ROS1: variants seen among roughly 807,000 people sequenced by gnomAD.
The protein encoded by ROS1 is ROS proto-oncogene 1, receptor tyrosine kinase.
A neutral mutation model predicts 273.5 loss-of-function variants in ROS1; 263 were observed. That is an observed-to-expected ratio of 0.96 (90% CI 0.87 to 1.06). The LOEUF (loss-of-function observed/expected upper bound fraction) is 1.06, where lower values mean the gene tolerates loss of function less well. Among genes scored for constraint, ROS1 ranks in the 50% least tolerant of loss-of-function variants. The pLI is 0.00. For missense variants in ROS1, 2,833 were observed against 2,751.1 expected (o/e 1.03, Z -0.67); for synonymous variants, 1,008 against 954.1 (o/e 1.06, Z -1.04).
chr6:117,423,906 A>G (rs1287113748), intron 1 of ROS1, among the ~76,000 whole-genome samples: 1 of 152,146 alleles, frequency 6.6e-6, no homozygotes. Flanking sequence ...CTATGTGGGA[A>G]CATGTAGTAC....
chr6:117,388,937 G>T (rs780377192), intron 13 of ROS1, among the ~76,000 whole-genome samples: 2 of 152,136 alleles, frequency 1.3e-5, no homozygotes, highest in African/African-American at 2.4e-5. Flanking sequence ...GAGCCCACCT[G>T]CTTACCCACC....
chr6:117,409,173 C>A (rs1022331644), intron 5 of ROS1, among the ~76,000 whole-genome samples: 1 of 151,718 alleles, frequency 6.6e-6, no homozygotes, highest in Admixed American at 6.6e-5. Context: ...ATGTAACAAA[C>A]CTGCACGTTG....
chr6:117,391,493 G>A (rs138029459), intron 12 of ROS1, among the ~76,000 whole-genome samples: 1 of 152,132 alleles, frequency 6.6e-6, no homozygotes, highest in Non-Finnish European at 1.5e-5. Flanking sequence ...AAGAAAAGCA[G>A]AGGTTTTACA....
Position 117,425,539 on chromosome 6 carries a change from T to C in ROS1, c.118A>G (p.Asn40Asp). ...TATTAGATTGTGAGACTTACCAGAT[T>C]AGTTACACACGACTTTAGGCAGCTA... is the stretch of plus-strand genomic sequence containing the variant. ...LNSCLKSCVT[N>D]LGQQLDLGTP... The change falls in exon 1 of 44, where the codon AAT becomes GAT. Residue 40 changes from asparagine (N) to aspartate (D), a missense_variant. Transcript: ENST00000368507. 1 of 1,593,334 alleles carries C rather than the reference T, an allele frequency of 6.3e-7. No homozygotes were observed. The highest frequency in any genetic ancestry group is 8.5e-7 in the Non-Finnish European group (1 of 1,173,482).
rs2128558841 is a variant in ROS1 at position 117,319,933 on chromosome 6, C to G, written c.5857G>C (p.Val1953Leu). The G allele has an allele frequency of 1.2e-6, 2 of 1,613,554 alleles. No individual in the cohort carries two copies. The highest frequency in any genetic ancestry group is 2.2e-5 in the East Asian group (1 of 44,864). ...ATGTCCACTGCTGTTCCTTCATACA[C>G]TTCTCCAAAGGCTCCACTTCCCAGC... Reference protein sequence around the residue: ...LLLGSGAFGEVYEGTAVDILG... With the variant: ...LLLGSGAFGELYEGTAVDILG... Residue 1953 changes from valine to leucine, a missense_variant, in exon 37 of 44, where the codon GTG becomes CTG. Val to Leu is a conservative substitution (Grantham distance 32). Coordinates refer to ENST00000368507, the MANE Select transcript of ROS1 (RefSeq NM_001378902.1).
chr6:117,406,691 T>C (rs1462122772), intron 5 of ROS1, among the ~76,000 whole-genome samples: 1 of 152,228 alleles, frequency 6.6e-6, no homozygotes, highest in Non-Finnish European at 1.5e-5. Context: ...AAAAGAATTC[T>C]CTAACAGTTC....
At chr6:117,335,171 A>C (rs926715574) in intron 32 of ROS1, among the ~76,000 whole-genome samples, 1 of 152,228 alleles carries the variant, frequency 6.6e-6, no homozygotes, top group Non-Finnish European at 1.5e-5. Context: ...CCCATCAAAA[A>C]GTGGGCAAAA....
intron 43 of ROS1, among the ~76,000 whole-genome samples, chr6:117,294,365 A>G (rs369912): frequency 0.53 from 80,317 of 151,934 alleles, 21,968 homozygotes; most frequent in East Asian, 0.6. Flanking sequence ...ATTCACAGAT[A>G]ATATTATCTT....
chr6:117,385,783 T>G lies in ROS1; in HGVS notation c.2189A>C (p.Asp730Ala), dbSNP rs575172787. ...GGGTAGGTGATAATTCTCTGAGATA[T>G]CCGTCCCATTCAGCAGCCACACAAA... Reference protein sequence around the residue: ...DVFVWLLNGTDISENYHLPSI... With the variant: ...DVFVWLLNGTAISENYHLPSI... The change falls in exon 16 of 44, where the codon GAT (aspartate) becomes GCT (alanine). Residue 730 changes from aspartate (D) to alanine (A), a missense_variant. Coordinates refer to ENST00000368507, the MANE Select transcript of ROS1 (RefSeq NM_001378902.1). 4 of 1,614,162 alleles carry G rather than the reference T, an allele frequency of 2.5e-6. No homozygotes were observed. In the South Asian group the frequency reaches 4.4e-5, roughly 18 times the overall value.
chr6:117,347,872 T>C (rs969086046), intron 27 of ROS1, among the ~76,000 whole-genome samples: 1 of 152,090 alleles, frequency 6.6e-6, no homozygotes, highest in Non-Finnish European at 1.5e-5. Context: ...ACTACATTAA[T>C]TGATTTTCAA....
chr6:117,339,874 C>A (rs1438200947), intron 31 of ROS1, among the ~76,000 whole-genome samples: 1 of 152,040 alleles, frequency 6.6e-6, no homozygotes, highest in African/African-American at 2.4e-5. Context: ...CGGACAGCAC[C>A]CTAATAGGAC....
intron 43 of ROS1, among the ~76,000 whole-genome samples, chr6:117,290,869 C>G (rs12110900): frequency 0.012 from 1,874 of 152,294 alleles, 44 homozygotes; most frequent in African/African-American, 0.043. Context: ...CTTTTCTTCT[C>G]TACGTACATA....
At chr6:117,408,597 C>CACTT (rs1196180671) in intron 5 of ROS1, among the ~76,000 whole-genome samples, 2 of 152,208 alleles carry the variant, frequency 1.3e-5, no homozygotes, top group Admixed American at 1.3e-4. Context: ...GAAATAGGAA[C>CACTT]ACTTTTACAC....
rs759746448 is a variant in ROS1, at chr6:117,394,373, CATT to C, written c.1007-30_1007-28del. ...TAGAAGAGCCATGCAAGTGCACACA[CATT>C]ATTATATAACAACCAGGACAAAAAA... On this transcript the variant is annotated intron_variant, in intron 10 of 43. Transcript: ENST00000368507. The C allele has an allele frequency of 2.6e-6, 4 of 1,514,506 alleles. No homozygotes were observed. In the East Asian group the frequency reaches 9.8e-5, roughly 37 times the overall value. The allele number at this position is 1,514,506 out of a possible 1,614,324, so 93.8% of individuals were successfully genotyped here.
rs1024416007 is a variant in ROS1 at position 117,337,708 on chromosome 6, A to G, written c.5062-368T>C. Among the ~76,000 whole-genome samples the G allele has an allele frequency of 3.3e-5, 5 of 152,170 alleles. No individual in the cohort carries two copies. The East Asian group carries it at 9.6e-4, about 29-fold the overall frequency. On this transcript the variant is annotated intron_variant, in intron 31 of 43. Transcript: ENST00000368507. The stretch of plus-strand genomic sequence containing the variant: ...CATAGCTGTGGGACAATGATGGATC[A>G]AAACAATGGTAATTTCAAATCCCAG...
At chr6:117,424,315 T>C (rs1447283733) in intron 1 of ROS1, among the ~76,000 whole-genome samples, 1 of 148,848 alleles carries the variant, frequency 6.7e-6, no homozygotes, top group Admixed American at 6.7e-5. Context: ...GATATATATG[T>C]ATACATATAT....
intron 27 of ROS1, among the ~76,000 whole-genome samples, chr6:117,344,581 G>A (rs188937881): frequency 7.1e-4 from 108 of 152,254 alleles, no homozygotes; most frequent in African/African-American, 2.5e-3. Flanking sequence ...TGTTTCTGAA[G>A]TTTGATTGCA....
intron 13 of ROS1, 70 bp from the exon 14 acceptor site, chr6:117,388,062 T>A: frequency 6.2e-7 from 1 of 1,601,770 alleles, no homozygotes; most frequent in Non-Finnish European, 8.5e-7. Flanking sequence ...GGATTCTCCA[T>A]AAATTCACCT....
At chr6:117,379,221 C>A (rs1044953085) in intron 17 of ROS1, 62 bp from the exon 18 acceptor site, 8 of 964,432 alleles carry the variant, frequency 8.3e-6, no homozygotes, top group Non-Finnish European at 1.7e-6. Context: ...ACTTTGTGAA[C>A]AGGTCACACT....
Sources: gnomAD v4.1 joint callset for allele counts (sites outside exome capture counted in the v4.1 genomes callset) on GRCh38, gnomAD v4.1.1 for gene constraint, MANE v1.5 for transcripts, NCBI Gene and HGNC (gene_info 2026-07-23, HGNC 2026-07-21) for gene names.